The following THUMPD2 variants were observed in gnomAD, a reference collection of about 807,000 sequenced individuals.
THUMPD2 encodes the protein THUMP domain 2 tRNA and snRNA guanosine methyltransferase.
Under a neutral mutation model 49.4 loss-of-function variants are expected in THUMPD2, and 56 were observed. The observed-to-expected ratio is 1.13, with a 90% CI of 0.91 to 1.41. The LOEUF is 1.41. THUMPD2 is among the 40% of genes most tolerant of loss of function. The pLI, the probability that THUMPD2 is intolerant of heterozygous loss-of-function variation, is 0.00. For synonymous variants in THUMPD2, 237 were observed against 205.2 expected (o/e 1.15, Z -1.32); for missense variants, 709 against 594.5 (o/e 1.19, Z -2.00).
intron 1 of THUMPD2, among the ~76,000 whole-genome samples, chr2:39,772,290 CCAG>C (rs1243487325): frequency 6.6e-6 from 1 of 152,102 alleles, no homozygotes; most frequent in African/African-American, 2.4e-5. Flanking sequence ...GTAGTTTAGG[CCAG>C]CTTGACAAAT....
At chr2:39,737,891 G>T (rs1673334836) in intron 9 of THUMPD2, among the ~76,000 whole-genome samples, 1 of 152,112 alleles carries the variant, frequency 6.6e-6, no homozygotes, top group Admixed American at 6.6e-5. Context: ...CTCAGTGGGT[G>T]GGTGAGTCAC....
At chr2:39,774,665 A>G (rs1411091209) in intron 1 of THUMPD2, among the ~76,000 whole-genome samples, 1 of 152,184 alleles carries the variant, frequency 6.6e-6, no homozygotes, top group Admixed American at 6.5e-5. Flanking sequence ...GACTTCAAAA[A>G]CTGCTGAAGC....
chr2:39,746,298 C>T (rs1674582453), intron 8 of THUMPD2, among the ~76,000 whole-genome samples: 1 of 152,182 alleles, frequency 6.6e-6, no homozygotes, highest in Non-Finnish European at 1.5e-5. Flanking sequence ...CTCCTTTCCT[C>T]TAGCAGTGGT....
intron 9 of THUMPD2, among the ~76,000 whole-genome samples, chr2:39,742,123 T>C (rs1673973877): frequency 6.6e-6 from 1 of 152,120 alleles, no homozygotes; most frequent in Non-Finnish European, 1.5e-5. Context: ...GGAACTCAGG[T>C]AGTCTGTCTC....
At chr2:39,774,924 T>C (rs916512227) in intron 1 of THUMPD2, among the ~76,000 whole-genome samples, 4 of 152,164 alleles carry the variant, frequency 2.6e-5, no homozygotes, top group Non-Finnish European at 5.9e-5. Flanking sequence ...TGCTAGCATA[T>C]CTAAACAGCA....
Position 39,768,420 on chromosome 2 carries a change from T to A in THUMPD2, c.750+4A>T. ...GTATATAAAATAAAACAAATACTCA[T>A]TACCTCTAATTGTGGATTCCTCAAG... is the stretch of plus-strand genomic sequence containing the variant. On this transcript the variant is annotated splice_donor_region_variant and intron_variant, in intron 4 of 9. Transcript: ENST00000505747. The A allele has an allele frequency of 6.2e-7, 1 of 1,606,380 alleles. No individual in the cohort carries two copies. Among genetic ancestry groups the A allele is most frequent in the Non-Finnish European group, 8.5e-7 (1 of 1,174,804 alleles).
chr2:39,768,504 G>A lies in THUMPD2; in HGVS notation c.673-3C>T. 1 of 1,608,008 alleles carries A rather than the reference G, an allele frequency of 6.2e-7. No homozygotes were observed. On this transcript the variant is annotated splice_region_variant and splice_polypyrimidine_tract_variant and intron_variant, in intron 3 of 9. Transcript: ENST00000505747. ...ATTCCAATTACTTTTCCTACCTCCT[G>A]GAAAAGTACCAAGTTAAAGAAAAGA...
Position 39,779,225 on chromosome 2 carries a change from A to T in THUMPD2, c.15T>A (p.Arg5=). The change falls in exon 1 of 10, where the codon CGT becomes CGA. Residue 5 remains arginine, a synonymous_variant. Transcript: ENST00000505747. MSEA[R]GEPGSGPEAG... is the part of the protein sequence containing the mutation. ...CCTCAGGCCCGGACCCTGGCTCTCC[A>T]CGCGCCTCCGACATGGCGGCTCAGG... 1.3e-6 allele frequency: 2 copies of T among 1,497,656 alleles called. No individual in the cohort carries two copies. Among genetic ancestry groups the T allele is most frequent in the Non-Finnish European group, 1.8e-6 (2 of 1,129,802 alleles). The allele number at this position is 1,497,656 out of a possible 1,614,324, so 92.8% of individuals were successfully genotyped here.
chr2:39,755,595 T>A (rs1329180744), intron 7 of THUMPD2, among the ~76,000 whole-genome samples, 186 bp from the exon 8 acceptor site: 2 of 152,182 alleles, frequency 1.3e-5, no homozygotes, highest in African/African-American at 4.8e-5. Context: ...GTTAAAATTT[T>A]AAAAATCTGT....
intron 5 of THUMPD2, among the ~76,000 whole-genome samples, chr2:39,762,061 T>C (rs1019697155): frequency 2.0e-5 from 3 of 152,196 alleles, no homozygotes; most frequent in Non-Finnish European, 4.4e-5. Flanking sequence ...GTTTCCAGAT[T>C]TGATAGAAAT....
At chr2:39,773,656 C>T (rs1678675986) in intron 1 of THUMPD2, among the ~76,000 whole-genome samples, 1 of 145,296 alleles carries the variant, frequency 6.9e-6, no homozygotes, top group South Asian at 2.1e-4. Context: ...CCCCCTGGGG[C>T]AAGTGGTTTC....
intron 9 of THUMPD2, among the ~76,000 whole-genome samples, chr2:39,743,899 T>G (rs982169455): frequency 6.6e-6 from 1 of 152,218 alleles, no homozygotes; most frequent in African/African-American, 2.4e-5. Flanking sequence ...AATAAGGTGT[T>G]GCCCATTCTA....
chr2:39,767,528 C>T lies in THUMPD2; in HGVS notation c.750+896G>A, dbSNP rs369584839. Reference sequence around the variant, plus strand: ...CTGAGGCAGGAGAATGGCGTGAACCCGGGAGGCGGAGCTTGCAGTGAGCCG... The same window carrying T: ...CTGAGGCAGGAGAATGGCGTGAACCTGGGAGGCGGAGCTTGCAGTGAGCCG... On this transcript the variant is annotated intron_variant, in intron 4 of 9. Coordinates refer to ENST00000505747, the MANE Select transcript of THUMPD2 (RefSeq NM_025264.5). Among the ~76,000 whole-genome samples, 906 of 136,384 alleles carry T rather than the reference C, an allele frequency of 6.6e-3. 8 individuals are homozygous for T. Among genetic ancestry groups the T allele is most frequent in the African/African-American group, 0.022 (814 of 36,338 alleles). The allele number at this position is 136,384 out of a possible 152,430, so 89.5% of individuals were successfully genotyped here. A position where few individuals can be genotyped will look rare whatever the true frequency, so the allele number is the denominator to read the frequency against.
At chr2:39,769,431 G>T (rs1678006352) in intron 3 of THUMPD2, 1 of 327,336 alleles carries the variant, frequency 3.1e-6, no homozygotes, top group Non-Finnish European at 5.5e-6. Flanking sequence ...GCCAGGCATG[G>T]TGGCTCCCGC....
chr2:39,751,509 T>C (rs918156022), intron 8 of THUMPD2, among the ~76,000 whole-genome samples: 85 of 152,324 alleles, frequency 5.6e-4, no homozygotes, highest in African/African-American at 1.9e-3. Context: ...AATCTGTTTA[T>C]GTTATAGTTT....
intron 1 of THUMPD2, among the ~76,000 whole-genome samples, chr2:39,774,827 A>G (rs1300862934): frequency 6.6e-6 from 1 of 152,220 alleles, no homozygotes; most frequent in Admixed American, 6.5e-5. Flanking sequence ...GAATGAAATC[A>G]TAACCAAGTA....
In THUMPD2 at chr2:39,770,122, A is replaced by G; in HGVS notation, c.263-3T>C. On this transcript the variant is annotated splice_polypyrimidine_tract_variant and splice_region_variant and intron_variant, in intron 2 of 9. Coordinates refer to ENST00000505747, the MANE Select transcript of THUMPD2 (RefSeq NM_025264.5). ...TTGCATTTCATTAAATATTTTTCCT[A>G]AATAAGAAAAATCTTGTTGATCCTC... is the stretch of plus-strand genomic sequence containing the variant. The G allele has an allele frequency of 6.8e-7, 1 of 1,462,304 alleles. No individual in the cohort carries two copies. Among genetic ancestry groups the G allele is most frequent in the Non-Finnish European group, 9.0e-7 (1 of 1,113,990 alleles). The allele number at this position is 1,462,304 out of a possible 1,614,324, so 90.6% of individuals were successfully genotyped here.
At chr2:39,772,323 C>T (rs181065231) in intron 1 of THUMPD2, among the ~76,000 whole-genome samples, 53 of 152,180 alleles carry the variant, frequency 3.5e-4, no homozygotes, top group East Asian at 1.9e-3. Context: ...ATTTTGAGTA[C>T]CACGAATGGT....
intron 1 of THUMPD2, 134 bp from the exon 2 acceptor site, chr2:39,771,774 T>A (rs1678352005): frequency 6.7e-6 from 6 of 898,362 alleles, no homozygotes; most frequent in Non-Finnish European, 8.3e-6. Flanking sequence ...TCAGGCTCTG[T>A]ACTAGGAACA....
Sources: gnomAD v4.1 joint callset for allele counts (sites outside exome capture counted in the v4.1 genomes callset) on GRCh38, gnomAD v4.1.1 for gene constraint, MANE v1.5 for transcripts, NCBI Gene and HGNC (gene_info 2026-07-23, HGNC 2026-07-21) for gene names.